Variants in UNC13C observed in about 807,000 individuals in gnomAD.
The protein encoded by UNC13C is protein unc-13 homolog C.
Under a neutral mutation model 245.4 loss-of-function variants are expected in UNC13C, and 174 were observed. That is an observed-to-expected ratio of 0.71 (90% CI 0.63 to 0.80). The LOEUF (loss-of-function observed/expected upper bound fraction) is 0.80, where lower values mean the gene tolerates loss of function less well. Among genes scored for constraint, UNC13C ranks in the 30% least tolerant of loss-of-function variants. The pLI, the probability that UNC13C is intolerant of heterozygous loss-of-function variation, is 0.00. For synonymous variants in UNC13C, 992 were observed against 895.1 expected (o/e 1.11, Z -1.93); for missense variants, 2,829 against 2,602.9 (o/e 1.09, Z -1.89).
chr15:54,546,914 T>C, intron 27 of UNC13C, 69 bp downstream of exon 27: 5 of 1,366,678 alleles, frequency 3.7e-6, no homozygotes, highest in Non-Finnish European at 4.9e-6. Context: ...ATGGTTTTCA[T>C]CCAGATGAAA....
At chr15:54,120,967 G>A (rs913324765) in intron 2 of UNC13C, among the ~76,000 whole-genome samples, 2 of 152,102 alleles carry the variant, frequency 1.3e-5, no homozygotes, top group Non-Finnish European at 2.9e-5. Flanking sequence ...TTTCTGAGAT[G>A]GCATCTACTC....
At chr15:53,910,306 G>A in the UNC13C span, among the ~76,000 whole-genome samples, 2 of 145,728 alleles carry the variant, frequency 1.4e-5, no homozygotes, top group Non-Finnish European at 3.1e-5. Context: ...TGTGAGGTAC[G>A]TGGATGTGAT....
chr15:54,463,189 CAAAATGGGCCAATCAGCTCTCAGT>C (rs752990309), intron 19 of UNC13C, among the ~76,000 whole-genome samples: 12 of 141,622 alleles, frequency 8.5e-5, no homozygotes, highest in Non-Finnish European at 1.2e-4. Flanking sequence ...AGCACCCTGT[CAAAATGGGCCAATCAGCTCTCAGT>C]AAAATGGGCC....
At chr15:54,124,337 A>G (rs951171690) in intron 2 of UNC13C, among the ~76,000 whole-genome samples, 1 of 152,204 alleles carries the variant, frequency 6.6e-6, no homozygotes, top group African/African-American at 2.4e-5. Context: ...TATTTGTTCT[A>G]TTAAATGTGT....
chr15:54,044,333 C>A, intron 2 of UNC13C: 1 of 234,562 alleles, frequency 4.3e-6, no homozygotes, highest in Non-Finnish European at 9.1e-6. Flanking sequence ...CCTCTATATG[C>A]TGATTGGAAA....
At chr15:54,074,329 T>A (rs7176943) in intron 2 of UNC13C, among the ~76,000 whole-genome samples, 3 of 151,722 alleles carry the variant, frequency 2.0e-5, no homozygotes, top group African/African-American at 7.3e-5. Context: ...CTAGCTTTGT[T>A]CTTTTTGTTT....
Position 54,250,297 on chromosome 15 carries a change from G to A in UNC13C, c.3301G>A (p.Glu1101Lys). The A allele has an allele frequency of 6.2e-7, 1 of 1,613,928 alleles. No individual in the cohort carries two copies. The highest frequency in any genetic ancestry group is 8.5e-7 in the Non-Finnish European group (1 of 1,179,864). The change falls in exon 8 of 33, where the codon GAG (glutamate) becomes AAG (lysine). Residue 1101 changes from glutamate to lysine, a missense_variant. Transcript: ENST00000260323. ...GTCTTCTACCATCCCACACAATTTT[G>A]AGGTCTGGACGGCTACCACACCCAC... ...PMSSTIPHNF[E>K]VWTATTPTYC...
At chr15:54,045,159 G>C (rs1393490988) in intron 2 of UNC13C, among the ~76,000 whole-genome samples, 4 of 152,074 alleles carry the variant, frequency 2.6e-5, no homozygotes, top group Admixed American at 2.6e-4. Context: ...CCAAAGTCAT[G>C]AAGAGCTATT....
At chr15:54,043,124 G>A (rs1896884036) in intron 2 of UNC13C, among the ~76,000 whole-genome samples, 1 of 152,104 alleles carries the variant, frequency 6.6e-6, no homozygotes, top group South Asian at 2.1e-4. Context: ...ATGTGGATGG[G>A]TTTTGAAATC....
At chr15:54,429,873 A>C (rs1457954070) in intron 19 of UNC13C, among the ~76,000 whole-genome samples, 1 of 151,656 alleles carries the variant, frequency 6.6e-6, no homozygotes, top group Non-Finnish European at 1.5e-5. Context: ...TTGTGGATAA[A>C]ATGTAAGTGA....
rs577568325 is a variant in UNC13C at position 54,252,763 on chromosome 15, T to A, written c.3448+2319T>A. 3.3e-5 allele frequency among the ~76,000 whole-genome samples: 5 copies of A among 152,312 alleles called. No homozygotes were observed. In the South Asian group the frequency reaches 1.0e-3, roughly 32 times the overall value. Reference sequence around the variant, plus strand: ...GAAAATCAGAGTTAGAAGGTATAGCTAATTCAGCCCCCTTTAAATGTAAGA... The same window carrying A: ...GAAAATCAGAGTTAGAAGGTATAGCAAATTCAGCCCCCTTTAAATGTAAGA... On this transcript the variant is annotated intron_variant, in intron 8 of 32. Transcript: ENST00000260323.
intron 17 of UNC13C, among the ~76,000 whole-genome samples, chr15:54,390,311 A>G (rs946870879): frequency 3.9e-5 from 6 of 152,158 alleles, no homozygotes; most frequent in Non-Finnish European, 5.9e-5. Context: ...TGTAATATAC[A>G]TCCCATCAGC....
chr15:54,578,374 A>G (rs1898051740), intron 30 of UNC13C, among the ~76,000 whole-genome samples: 1 of 152,194 alleles, frequency 6.6e-6, no homozygotes, highest in Admixed American at 6.5e-5. Flanking sequence ...CAACAACTGT[A>G]TATATGATGC....
At chr15:54,087,745 G>A (rs892878648) in intron 2 of UNC13C, among the ~76,000 whole-genome samples, 1 of 152,146 alleles carries the variant, frequency 6.6e-6, no homozygotes, top group Non-Finnish European at 1.5e-5. Flanking sequence ...ATTAGCTCTT[G>A]TAACTACGAA....
In UNC13C at chr15:54,010,558, A is replaced by C. The variant is rs533605507; in HGVS notation, c.-256-2090A>C. On this transcript the variant is annotated intron_variant, in intron 1 of 32. Coordinates refer to ENST00000260323, the MANE Select transcript of UNC13C (RefSeq NM_001080534.3). ...CCTTTAGTGAGGTAAAAATATGGTAATCAGGGAACTGCTACTACTTCACCA... is the reference window on the plus strand; with the variant it reads ...CCTTTAGTGAGGTAAAAATATGGTACTCAGGGAACTGCTACTACTTCACCA... Among the ~76,000 whole-genome samples, 3 of 152,282 alleles carry C rather than the reference A, an allele frequency of 2.0e-5. No homozygotes were observed. The South Asian group carries it at 6.2e-4, about 32-fold the overall frequency.
At chr15:54,296,553 C>A (rs1018465195) in intron 11 of UNC13C, among the ~76,000 whole-genome samples, 25 of 151,964 alleles carry the variant, frequency 1.6e-4, no homozygotes, top group Admixed American at 5.9e-4. Flanking sequence ...AGAATCAACT[C>A]CCTCTCAACC....
intron 29 of UNC13C, among the ~76,000 whole-genome samples, chr15:54,556,590 T>A (rs944340682): frequency 2.0e-5 from 3 of 151,926 alleles, no homozygotes; most frequent in African/African-American, 7.2e-5. Context: ...ATGGAAAATT[T>A]GCAAAATAAT....
At chr15:53,936,565 C>T in the UNC13C span, among the ~76,000 whole-genome samples, 1 of 152,214 alleles carries the variant, frequency 6.6e-6, no homozygotes, top group Non-Finnish European at 1.5e-5. Flanking sequence ...TCCCATTCCT[C>T]CTGACTGGGT....
intron 13 of UNC13C, among the ~76,000 whole-genome samples, chr15:54,304,574 C>T (rs1290418213): frequency 2.7e-5 from 4 of 150,586 alleles, no homozygotes; most frequent in Non-Finnish European, 4.4e-5. Context: ...CCACAGGCCT[C>T]TGACCTCCTT....
Sources: gnomAD v4.1 joint callset for allele counts (sites outside exome capture counted in the v4.1 genomes callset) on GRCh38, gnomAD v4.1.1 for gene constraint, MANE v1.5 for transcripts, NCBI Gene and HGNC (gene_info 2026-07-23, HGNC 2026-07-21) for gene names.